The following PITRM1 variants were observed in gnomAD, a reference collection of about 807,000 sequenced individuals.
The protein encoded by PITRM1 is pitrilysin metallopeptidase 1.
In PITRM1, 100 loss-of-function variants were observed where a neutral mutation model predicts 129.9. The ratio of observed to expected loss-of-function variants is 0.77; its 90% CI spans 0.65 to 0.91. The LOEUF is 0.91. PITRM1 is among the 40% of genes least tolerant of loss of function. The pLI is 0.00. For synonymous variants in PITRM1, 591 were observed against 508.8 expected (o/e 1.16, Z -2.17); for missense variants, 1,471 against 1,318.3 (o/e 1.12, Z -1.79).
intron 24 of PITRM1, among the ~76,000 whole-genome samples, chr10:3,140,134 A>G (rs1356745897): frequency 1.3e-5 from 2 of 152,216 alleles, no homozygotes; most frequent in Non-Finnish European, 2.9e-5. Context: ...TTAACAAAAT[A>G]CAACAATTAT....
chr10:3,172,667 T>TC (rs1843491943), intron 1 of PITRM1, 50 bp downstream of exon 1: 53 of 1,503,684 alleles, frequency 3.5e-5, no homozygotes, highest in Non-Finnish European at 4.7e-5. Context: ...CCCTGGACCC[T>TC]CCCCTCCCGG....
At chr10:3,142,916 G>A (rs553934016) in intron 23 of PITRM1, 1 of 157,714 alleles carries the variant, frequency 6.3e-6, no homozygotes, top group South Asian at 1.8e-4. Context: ...TGGCTCACGA[G>A]GTTCTCCTGC....
In PITRM1 at chr10:3,160,855, G is replaced by A. The variant is rs550864304; in HGVS notation, c.792-525C>T. ...AGCTCACTGCAACCTCCGACTCCCAGGTTTAAAAGATTCTCCTGCCTCAGC... is the reference window on the plus strand; with the variant it reads ...AGCTCACTGCAACCTCCGACTCCCAAGTTTAAAAGATTCTCCTGCCTCAGC... On this transcript the variant is annotated intron_variant, in intron 7 of 26. Coordinates refer to ENST00000224949, the MANE Select transcript of PITRM1 (RefSeq NM_014889.4). Among the ~76,000 whole-genome samples the A allele has an allele frequency of 7.9e-5, 12 of 152,152 alleles. 1 individual carries two copies. The South Asian group carries it at 2.5e-3, about 32-fold the overall frequency.
At chr10:3,162,223 AC>A (rs1842514114) in intron 7 of PITRM1, among the ~76,000 whole-genome samples, 1 of 149,656 alleles carries the variant, frequency 6.7e-6, no homozygotes, top group East Asian at 2.0e-4. Flanking sequence ...TTCCTGCACC[AC>A]CCCTCCTCCT....
chr10:3,147,774 C>T, intron 18 of PITRM1, 37 bp from the exon 19 acceptor site: 3 of 1,531,758 alleles, frequency 2.0e-6, no homozygotes, highest in Non-Finnish European at 2.6e-6. Flanking sequence ...CCTGGAGACC[C>T]ATTCCTCACG....
In PITRM1 at chr10:3,138,598, G is replaced by A. The variant is rs143604744; in HGVS notation, c.2918-261C>T. ...GGCTGATGATGCTGTGAGCAAAAGC[G>A]GCTCCAGAGAGTAACGTGGCCATGC... On this transcript the variant is annotated intron_variant, in intron 25 of 26. Coordinates refer to ENST00000224949, the MANE Select transcript of PITRM1 (RefSeq NM_014889.4). The A allele has an allele frequency of 1.4e-3, 821 of 602,078 alleles. 8 individuals are homozygous for A. Among genetic ancestry groups the A allele is most frequent in the African/African-American group, 0.013 (729 of 54,078 alleles). The allele number at this position is 602,078 out of a possible 1,614,324, so 37.3% of individuals were successfully genotyped here.
intron 24 of PITRM1, 87 bp downstream of exon 24, chr10:3,140,600 G>A (rs556596292): frequency 2.4e-6 from 3 of 1,240,266 alleles, no homozygotes; most frequent in Admixed American, 2.2e-5. Flanking sequence ...AAAATTCACT[G>A]CAGTAGAAGA....
At position 3,138,751 on chromosome 10, in the gene PITRM1, G is replaced by T. The variant is rs1028989649; in HGVS notation, c.2917+153C>A. On this transcript the variant is annotated intron_variant, in intron 25 of 26. Transcript: ENST00000224949. ...TCTTCTCGCCCGGATGTCAGGAAGC[G>T]TGTTTAGGGTGTCAGACGTGGAAAT... 4.9e-6 allele frequency: 4 copies of T among 818,298 alleles called. No homozygotes were observed. The East Asian group carries it at 9.7e-5, about 20-fold the overall frequency. 50.7% of individuals were successfully genotyped at this position (818,298 alleles called of 1,614,324 possible). A position where few individuals can be genotyped will look rare whatever the true frequency, so the allele number is the denominator to read the frequency against.
In PITRM1 at chr10:3,144,355, G is replaced by A; in HGVS notation, c.2469C>T (p.Pro823=). 1.3e-6 allele frequency: 2 copies of A among 1,554,942 alleles called. No homozygotes were observed. Among genetic ancestry groups the A allele is most frequent in the East Asian group, 2.4e-5 (1 of 41,758 alleles). Residue 823 remains proline, a synonymous_variant, in exon 22 of 27, where the codon CCC becomes CCT. Transcript: ENST00000224949. ...VRPHTVEKPV[P]SSSGGDAHVP... is the part of the protein sequence containing the mutation. ...CGTGGGCATCTCCACCAGAGCTGCT[G>A]GGCACAGGTTTCTGAAAATCAAGTT...
In PITRM1 at chr10:3,151,318, CAA is replaced by C. The variant is rs1326172336; in HGVS notation, c.1665_1666del (p.Cys556SerfsTer10). The C allele has an allele frequency of 6.2e-7, 1 of 1,611,260 alleles. No homozygotes were observed. Among genetic ancestry groups the C allele is most frequent in the Non-Finnish European group, 8.5e-7 (1 of 1,178,824 alleles). On this transcript the variant is annotated frameshift_variant, in exon 15 of 27. Coordinates refer to ENST00000224949, the MANE Select transcript of PITRM1 (RefSeq NM_014889.4). LOFTEE classifies it high-confidence loss of function. ...ATCGGAAACTTTCAACGCTGGCAGA[CAA>C]GAGGCATCTTGAGGTTTGCTTTGTT...
At chr10:3,170,571 C>T (rs1380164145) in intron 1 of PITRM1, among the ~76,000 whole-genome samples, 2 of 152,160 alleles carry the variant, frequency 1.3e-5, no homozygotes, top group African/African-American at 4.8e-5. Flanking sequence ...ATTCACACTA[C>T]AGTTAAATCC....
intron 2 of PITRM1, among the ~76,000 whole-genome samples, chr10:3,168,675 T>A (rs1843084934): frequency 6.6e-6 from 1 of 151,040 alleles, no homozygotes; most frequent in Non-Finnish European, 1.5e-5. Flanking sequence ...CACTTGATCC[T>A]CATTCTCTCC....
intron 14 of PITRM1, among the ~76,000 whole-genome samples, chr10:3,154,659 A>G (rs1172646849): frequency 3.3e-5 from 5 of 152,148 alleles, no homozygotes; most frequent in Admixed American, 2.0e-4. Context: ...TCTTTTACCC[A>G]TGTGTTAATT....
chr10:3,139,151 A>C, intron 24 of PITRM1, 102 bp from the exon 25 acceptor site: 2 of 966,134 alleles, frequency 2.1e-6, no homozygotes, highest in South Asian at 3.0e-5. Flanking sequence ...ATGGGTTAAC[A>C]GCTCTATTTT....
At chr10:3,158,223 A>C (rs1272149256) in intron 10 of PITRM1, 70 bp from the exon 11 acceptor site, 1 of 868,168 alleles carries the variant, frequency 1.2e-6, no homozygotes, top group Non-Finnish European at 1.9e-6. Flanking sequence ...AATATGCTTG[A>C]TTTAAAGATC....
chr10:3,139,104 G>A lies in PITRM1; in HGVS notation c.2772-55C>T, dbSNP rs577119456. 1.5e-5 allele frequency: 22 copies of A among 1,493,630 alleles called. No individual in the cohort carries two copies. The East Asian group carries it at 5.0e-4, about 34-fold the overall frequency. 92.5% of individuals were successfully genotyped at this position (1,493,630 alleles called of 1,614,324 possible). A position where few individuals can be genotyped will look rare whatever the true frequency, so the allele number is the denominator to read the frequency against. On this transcript the variant is annotated intron_variant, in intron 24 of 26. Transcript: ENST00000224949. ...GCATTTTACCAGTGGACAAGTTTAT[G>A]ACAAACCTCTGTCGACTTAACAGTT...
chr10:3,139,114 T>G, intron 24 of PITRM1, 65 bp from the exon 25 acceptor site: 4 of 1,430,322 alleles, frequency 2.8e-6, no homozygotes, highest in Non-Finnish European at 3.9e-6. Flanking sequence ...GACAAACCTC[T>G]GTCGACTTAA....
chr10:3,159,498 C>T (rs748145059), intron 9 of PITRM1, among the ~76,000 whole-genome samples: 11 of 152,194 alleles, frequency 7.2e-5, no homozygotes, highest in Admixed American at 1.3e-4. Flanking sequence ...TATATTTTGC[C>T]GAGGTGCATG....
intron 9 of PITRM1, 113 bp downstream of exon 9, chr10:3,159,735 A>T (rs1254644672): frequency 1.6e-6 from 1 of 632,914 alleles, no homozygotes; most frequent in East Asian, 2.8e-5. Context: ...TAACCCCTGA[A>T]TCCTAACCGT....
Sources: allele counts gnomAD v4.1 joint callset (sites outside exome capture counted in the v4.1 genomes callset), GRCh38; gene constraint gnomAD v4.1.1; transcripts MANE v1.5; gene names NCBI Gene and HGNC (gene_info 2026-07-23, HGNC 2026-07-21).